TMEM135: variants seen among roughly 807,000 people sequenced by gnomAD.
The protein encoded by TMEM135 is transmembrane protein 135.
Under a neutral mutation model 60.3 loss-of-function variants are expected in TMEM135, and 30 were observed. The observed-to-expected ratio is 0.50, with a 90% CI of 0.37 to 0.68. TMEM135 has a LOEUF of 0.68. TMEM135 is among the 30% of genes least tolerant of loss of function. The pLI is 0.00. For missense variants in TMEM135, 468 were observed against 548.8 expected (o/e 0.85, Z 1.47); for synonymous variants, 190 against 186.7 (o/e 1.02, Z -0.14).
chr11:87,172,864 ATAAT>A (rs1278269755), intron 5 of TMEM135, among the ~76,000 whole-genome samples: 10 of 152,014 alleles, frequency 6.6e-5, no homozygotes, highest in East Asian at 5.8e-4. Context: ...CGTGAATTAA[ATAAT>A]TAAATAATAT....
chr11:87,133,653 T>C (rs1329571726), intron 4 of TMEM135, among the ~76,000 whole-genome samples: 1 of 152,166 alleles, frequency 6.6e-6, no homozygotes, highest in Non-Finnish European at 1.5e-5. Flanking sequence ...AACATACCCA[T>C]TACTCTACAA....
intron 5 of TMEM135, among the ~76,000 whole-genome samples, chr11:87,234,485 T>C (rs1322013970): frequency 6.6e-6 from 1 of 152,054 alleles, no homozygotes; most frequent in African/African-American, 2.4e-5. Flanking sequence ...ATATTAGAGA[T>C]TTCAAAAGGG....
chr11:87,157,247 T>C, intron 4 of TMEM135, 94 bp from the exon 5 acceptor site: 1 of 1,124,082 alleles, frequency 8.9e-7, no homozygotes, highest in Non-Finnish European at 1.3e-6. Flanking sequence ...TATATAATAG[T>C]ATTGAATGTT....
intron 6 of TMEM135, among the ~76,000 whole-genome samples, chr11:87,249,180 G>T (rs1240725913): frequency 6.6e-6 from 1 of 152,146 alleles, no homozygotes. Context: ...GATCTTAGAA[G>T]AAAGGCTTTC....
At chr11:87,038,819 A>C (rs757269253) in intron 1 of TMEM135, among the ~76,000 whole-genome samples, 14 of 151,872 alleles carry the variant, frequency 9.2e-5, no homozygotes, top group Non-Finnish European at 1.5e-4. Flanking sequence ...CTTGGTTAGG[A>C]CATCTGACTT....
intron 5 of TMEM135, among the ~76,000 whole-genome samples, chr11:87,222,768 G>C (rs912249857): frequency 1.3e-5 from 2 of 151,720 alleles, no homozygotes; most frequent in African/African-American, 4.8e-5. Context: ...TCATGCCATT[G>C]CACTCCAGCC....
chr11:87,317,221 G>A (rs774311283), intron 12 of TMEM135, among the ~76,000 whole-genome samples: 9 of 151,988 alleles, frequency 5.9e-5, no homozygotes, highest in South Asian at 2.1e-4. Context: ...AATTAGAAAC[G>A]CAGTTATTCT....
chr11:87,227,809 A>G (rs1475781463), intron 5 of TMEM135, among the ~76,000 whole-genome samples: 1 of 152,192 alleles, frequency 6.6e-6, no homozygotes, highest in Non-Finnish European at 1.5e-5. Flanking sequence ...CTGTTTTCAG[A>G]AAAGTTGAAG....
intron 5 of TMEM135, among the ~76,000 whole-genome samples, chr11:87,169,216 C>T (rs1387166214): frequency 6.7e-6 from 1 of 148,916 alleles, no homozygotes; most frequent in African/African-American, 2.5e-5. Context: ...AGATGGGACT[C>T]CTGAACACAG....
At chr11:87,157,190 A>ACTAT in intron 4 of TMEM135, 151 bp from the exon 5 acceptor site, 1 of 669,238 alleles carries the variant, frequency 1.5e-6, no homozygotes, top group South Asian at 1.8e-5. Context: ...AGTAGCTAGG[A>ACTAT]CTATAGGCAT....
intron 4 of TMEM135, among the ~76,000 whole-genome samples, chr11:87,156,026 T>G (rs999749288): frequency 6.6e-6 from 1 of 152,206 alleles, no homozygotes; most frequent in African/African-American, 2.4e-5. Flanking sequence ...GATTTATGCT[T>G]AATTATAACT....
intron 1 of TMEM135, among the ~76,000 whole-genome samples, chr11:87,056,348 C>T (rs1001359665): frequency 6.6e-6 from 1 of 152,122 alleles, no homozygotes; most frequent in Non-Finnish European, 1.5e-5. Context: ...GCTTGAACAC[C>T]TCTAACACCT....
intron 3 of TMEM135, among the ~76,000 whole-genome samples, chr11:87,090,341 A>G (rs73519240): frequency 0.015 from 2,274 of 152,234 alleles, 58 homozygotes; most frequent in African/African-American, 0.052. Context: ...AGTACTGTTC[A>G]GTTAAATCAT....
chr11:87,274,539 G>A (rs214742), intron 6 of TMEM135, among the ~76,000 whole-genome samples: 78,733 of 152,000 alleles, frequency 0.52, 20,583 homozygotes, highest in African/African-American at 0.54. Context: ...TGTGCTTTAG[G>A]AGTCTTACGG....
chr11:87,327,681 A>T lies in TMEM135; in HGVS notation c.*6348A>T. The T allele has an allele frequency of 2.2e-6, 1 of 454,036 alleles. No homozygotes were observed. The highest frequency in any genetic ancestry group is 4.4e-6 in the Non-Finnish European group (1 of 226,782). The allele number at this position is 454,036 out of a possible 1,614,324, so 28.1% of individuals were successfully genotyped here. ...TGGGATGCTGGTGGTCTGGCTCAGTACAAGTCCAAAAGCCTTGGAACCAGG... is the reference window on the plus strand; with the variant it reads ...TGGGATGCTGGTGGTCTGGCTCAGTTCAAGTCCAAAAGCCTTGGAACCAGG... On this transcript the variant is annotated 3_prime_UTR_variant, in exon 15 of 15. Coordinates refer to ENST00000305494, the MANE Select transcript of TMEM135 (RefSeq NM_022918.4).
At position 87,291,823 on chromosome 11, in the gene TMEM135, G is replaced by A. The variant is rs143390358; in HGVS notation, c.510-3959G>A. On this transcript the variant is annotated intron_variant, in intron 6 of 14. Transcript: ENST00000305494. The stretch of plus-strand genomic sequence containing the variant: ...CTCCCAAAGTGCTGGGATTACAGGC[G>A]TGAGCCACCGTCCCCGGCCTCAAGT... 4.9e-3 allele frequency among the ~76,000 whole-genome samples: 742 copies of A among 152,136 alleles called. 2 individuals carry two copies. Among genetic ancestry groups the A allele is most frequent in the African/African-American group, 0.017 (712 of 41,514 alleles).
intron 5 of TMEM135, among the ~76,000 whole-genome samples, chr11:87,194,128 A>G (rs968989326): frequency 2.0e-5 from 3 of 152,154 alleles, no homozygotes; most frequent in Non-Finnish European, 4.4e-5. Flanking sequence ...TTTTACTTCC[A>G]TTTCATTTAA....
intron 1 of TMEM135, among the ~76,000 whole-genome samples, chr11:87,060,855 G>C (rs1329142589): frequency 6.6e-6 from 1 of 151,960 alleles, no homozygotes; most frequent in African/African-American, 2.4e-5. Context: ...TGTTAGCCGG[G>C]GTGGTCTCAA....
intron 1 of TMEM135, among the ~76,000 whole-genome samples, chr11:87,041,620 G>C (rs944351435): frequency 8.5e-5 from 13 of 152,282 alleles, no homozygotes; most frequent in Admixed American, 8.5e-4. Context: ...AAGGTCTGTT[G>C]TGAGGAGTTA....
Sources: allele counts gnomAD v4.1 joint callset (sites outside exome capture counted in the v4.1 genomes callset), GRCh38; gene constraint gnomAD v4.1.1; transcripts MANE v1.5; gene names NCBI Gene and HGNC (gene_info 2026-07-23, HGNC 2026-07-21).